LRRC4C: variants seen among roughly 807,000 people sequenced by gnomAD.
LRRC4C encodes leucine rich repeat containing 4C, also known as leucine-rich repeat-containing protein 4C.
LRRC4C carries 5 observed loss-of-function variants against 33.6 expected under a neutral mutation model. That is an observed-to-expected ratio of 0.15 (90% CI 0.08 to 0.31). The LOEUF is 0.31. Ranked by LOEUF, LRRC4C falls within the 10% of genes least tolerant of loss-of-function variation. The probability of loss-of-function intolerance (pLI) is 1.00; values close to 1 mark genes in which losing one functional copy is unlikely to be tolerated. For synonymous variants in LRRC4C, 329 were observed against 302.0 expected (o/e 1.09, Z -0.93); for missense variants, 560 against 796.7 (o/e 0.70, Z 3.58).
chr11:40,479,026 AT>A (rs1269450797), intron 3 of LRRC4C, among the ~76,000 whole-genome samples: 1 of 152,148 alleles, frequency 6.6e-6, no homozygotes, highest in Admixed American at 6.6e-5. Context: ...TGAAATCCAT[AT>A]TTGTTTTTAT....
chr11:41,356,276 C>A (rs532213942), intron 1 of LRRC4C, among the ~76,000 whole-genome samples: 67 of 152,248 alleles, frequency 4.4e-4, no homozygotes, highest in Non-Finnish European at 9.1e-4. Context: ...TGATCTCAAA[C>A]AATTTGCCCT....
chr11:40,517,268 A>G (rs1455853693), intron 3 of LRRC4C, among the ~76,000 whole-genome samples: 1 of 152,168 alleles, frequency 6.6e-6, no homozygotes, highest in Non-Finnish European at 1.5e-5. Context: ...GATATATGTC[A>G]ATGCCAAACA....
At chr11:41,336,730 G>T (rs1951467441) in intron 1 of LRRC4C, among the ~76,000 whole-genome samples, 1 of 152,140 alleles carries the variant, frequency 6.6e-6, no homozygotes, top group Admixed American at 6.6e-5. Flanking sequence ...TTTTGGCCTT[G>T]CCATGGCTGG....
intron 3 of LRRC4C, among the ~76,000 whole-genome samples, chr11:40,344,571 C>T (rs189453710): frequency 2.0e-5 from 3 of 152,204 alleles, no homozygotes; most frequent in Non-Finnish European, 4.4e-5. Flanking sequence ...AAAGTGTAAG[C>T]ATTTCCCTTA....
intron 1 of LRRC4C, among the ~76,000 whole-genome samples, chr11:41,423,458 G>A (rs1233083612): frequency 6.6e-6 from 1 of 152,020 alleles, no homozygotes; most frequent in Non-Finnish European, 1.5e-5. Flanking sequence ...GACTTTTCTG[G>A]TTGAACATAT....
chr11:40,187,127 C>T (rs1429331692), intron 5 of LRRC4C, among the ~76,000 whole-genome samples: 1 of 152,156 alleles, frequency 6.6e-6, no homozygotes, highest in African/African-American at 2.4e-5. Context: ...GAATAAATTT[C>T]AACCACTCAG....
chr11:40,333,592 C>T (rs879786365), intron 3 of LRRC4C, among the ~76,000 whole-genome samples: 9 of 151,802 alleles, frequency 5.9e-5, no homozygotes, highest in Non-Finnish European at 1.3e-4. Flanking sequence ...TGGCAAGTGC[C>T]TGTAATCCCA....
intron 1 of LRRC4C, among the ~76,000 whole-genome samples, chr11:41,263,995 C>A (rs1433167279): frequency 6.6e-6 from 1 of 151,978 alleles, no homozygotes; most frequent in Non-Finnish European, 1.5e-5. Flanking sequence ...CATCCAGAAT[C>A]AATCTACTTG....
intron 1 of LRRC4C, among the ~76,000 whole-genome samples, chr11:41,247,490 G>A (rs940917307): frequency 2.0e-5 from 3 of 152,088 alleles, no homozygotes; most frequent in Non-Finnish European, 2.9e-5. Flanking sequence ...ATTCCAATAA[G>A]CAATGATGTC....
Position 40,908,563 on chromosome 11 carries a change from C to T in LRRC4C, c.-407+25072G>A, listed in dbSNP as rs568191936. Among the ~76,000 whole-genome samples, 18 of 152,018 alleles carry T rather than the reference C, an allele frequency of 1.2e-4. 1 individual carries two copies. Among genetic ancestry groups the T allele is most frequent in the Admixed American group, 9.2e-4 (14 of 15,252 alleles). ...AAATGAAAAATAAATTAAAAACCTC[C>T]GAAGAAGGTTCATTTGGAAAAAATA... On this transcript the variant is annotated intron_variant, in intron 2 of 6. Coordinates refer to ENST00000528697, the MANE Select transcript of LRRC4C (RefSeq NM_001258419.2).
intron 3 of LRRC4C, among the ~76,000 whole-genome samples, chr11:40,558,544 C>T (rs776314187): frequency 3.3e-5 from 5 of 152,086 alleles, no homozygotes; most frequent in South Asian, 2.1e-4. Flanking sequence ...ACTATCTACC[C>T]GACTATCTCT....
chr11:40,320,247 T>A (rs1945774081), intron 3 of LRRC4C, among the ~76,000 whole-genome samples: 1 of 152,204 alleles, frequency 6.6e-6, no homozygotes, highest in Admixed American at 6.5e-5. Context: ...GGCTCACGCC[T>A]GTAATCCCAG....
At chr11:41,334,424 C>T (rs578161683) in intron 1 of LRRC4C, among the ~76,000 whole-genome samples, 8 of 152,134 alleles carry the variant, frequency 5.3e-5, no homozygotes, top group Non-Finnish European at 8.8e-5. Context: ...TATTTTCAAA[C>T]GCTGGGCACA....
chr11:41,323,838 CAAAT>C (rs1458760217), intron 1 of LRRC4C, among the ~76,000 whole-genome samples: 1 of 151,992 alleles, frequency 6.6e-6, no homozygotes, highest in Non-Finnish European at 1.5e-5. Flanking sequence ...ATCTTAAAGG[CAAAT>C]ATCAAAGCAA....
rs190499457 is a variant in LRRC4C at position 40,757,757 on chromosome 11, A to C, written c.-406-109479T>G. On this transcript the variant is annotated intron_variant, in intron 2 of 6. Transcript: ENST00000528697. Reference sequence around the variant, plus strand: ...GGTCAAGGGATGCTAAACATCTTGCAATTTGCAGAGAAGTTCCAGACAAAG... The same window carrying C: ...GGTCAAGGGATGCTAAACATCTTGCCATTTGCAGAGAAGTTCCAGACAAAG... Among the ~76,000 whole-genome samples the C allele has an allele frequency of 2.0e-5, 3 of 152,072 alleles. No individual in the cohort carries two copies. In the South Asian group the frequency reaches 6.2e-4, roughly 32 times the overall value.
intron 1 of LRRC4C, among the ~76,000 whole-genome samples, chr11:41,193,987 C>T (rs1779300177): frequency 6.6e-6 from 1 of 151,890 alleles, no homozygotes; most frequent in African/African-American, 2.4e-5. Context: ...CTTCCATCTC[C>T]TCCATCTCTT....
chr11:41,002,195 G>A (rs977068007), intron 1 of LRRC4C, among the ~76,000 whole-genome samples: 1 of 152,104 alleles, frequency 6.6e-6, no homozygotes, highest in African/African-American at 2.4e-5. Flanking sequence ...GACCTCTGAT[G>A]GAGTCTCATG....
At chr11:40,396,292 T>G (rs1432911506) in intron 3 of LRRC4C, among the ~76,000 whole-genome samples, 1 of 152,186 alleles carries the variant, frequency 6.6e-6, no homozygotes, top group Non-Finnish European at 1.5e-5. Context: ...TTTTAAAATA[T>G]CTGACTGGTT....
At chr11:40,909,125 T>A (rs972217913) in intron 2 of LRRC4C, among the ~76,000 whole-genome samples, 1 of 152,058 alleles carries the variant, frequency 6.6e-6, no homozygotes, top group African/African-American at 2.4e-5. Flanking sequence ...CCATTGAAGC[T>A]TTGAGGGTAG....
Sources: gnomAD v4.1 joint callset for allele counts (sites outside exome capture counted in the v4.1 genomes callset) on GRCh38, gnomAD v4.1.1 for gene constraint, MANE v1.5 for transcripts, NCBI Gene and HGNC (gene_info 2026-07-23, HGNC 2026-07-21) for gene names.